The following IFI16 variants were observed in gnomAD, a reference collection of about 807,000 sequenced individuals.
The protein encoded by IFI16 is interferon gamma inducible protein 16, also known as gamma-interferon-inducible protein 16.
A neutral mutation model predicts 68.4 loss-of-function variants in IFI16; 49 were observed. The ratio of observed to expected loss-of-function variants is 0.72; its 90% CI spans 0.57 to 0.91. The LOEUF (loss-of-function observed/expected upper bound fraction) is 0.91, where lower values mean the gene tolerates loss of function less well. Among genes scored for constraint, IFI16 ranks in the 40% least tolerant of loss-of-function variants. IFI16 has a pLI of 0.00. For synonymous variants in IFI16, 307 were observed against 315.0 expected (o/e 0.97, Z 0.27); for missense variants, 878 against 942.9 (o/e 0.93, Z 0.90).
chr1:159,004,729 G>A (rs1018342568), upstream of IFI16, among the ~76,000 whole-genome samples: 10 of 152,104 alleles, frequency 6.6e-5, no homozygotes, highest in African/African-American at 2.4e-4. Context: ...GTTTAGGGTG[G>A]AGAGTTCATT....
At position 159,018,297 on chromosome 1, in the gene IFI16, A is replaced by G. The variant is rs937386240; in HGVS notation, c.618A>G (p.Ile206Met). 3 of 1,614,040 alleles carry G rather than the reference A, an allele frequency of 1.9e-6. No individual in the cohort carries two copies. The highest frequency in any genetic ancestry group is 2.5e-6 in the Non-Finnish European group (3 of 1,179,960). ...ATGTTCTCCAAAAACGCCCAGTGATAGTGAAGGTACTGAGTACAACAAAGC... is the reference window on the plus strand; with the variant it reads ...ATGTTCTCCAAAAACGCCCAGTGATGGTGAAGGTACTGAGTACAACAAAGC... ...RRNVLQKRPV[I>M]VKVLSTTKPF... is the part of the protein sequence containing the mutation. The change falls in exon 5 of 12, where the codon ATA becomes ATG. Residue 206 changes from isoleucine to methionine, a missense_variant. Ile to Met is a conservative substitution (Grantham distance 10). Transcript: ENST00000295809.
At chr1:159,019,607 T>C (rs936858770) in intron 5 of IFI16, among the ~76,000 whole-genome samples, 1 of 152,188 alleles carries the variant, frequency 6.6e-6, no homozygotes, top group African/African-American at 2.4e-5. Context: ...TACAGGCGTG[T>C]GCCATCACGC....
At chr1:159,025,882 T>C (rs1653637771) in intron 6 of IFI16, among the ~76,000 whole-genome samples, 1 of 152,246 alleles carries the variant, frequency 6.6e-6, no homozygotes, top group Non-Finnish European at 1.5e-5. Context: ...TTCATTCTTC[T>C]ACTTGTAGCT....
chr1:159,022,953 G>A (rs1653428179), intron 6 of IFI16, among the ~76,000 whole-genome samples: 1 of 152,096 alleles, frequency 6.6e-6, no homozygotes, highest in Non-Finnish European at 1.5e-5. Flanking sequence ...CCTTTTAAGA[G>A]AAGTAATTTT....
chr1:159,009,188 T>C (rs537360803), upstream of IFI16: 1 of 152,312 alleles, frequency 6.6e-6, no homozygotes, highest in African/African-American at 2.4e-5. Flanking sequence ...CCAGGAATAA[T>C]GCAGAAAATC....
chr1:159,000,243 T>C, exon 1 of IFI16: 2 of 259,826 alleles, frequency 7.7e-6, no homozygotes, highest in Non-Finnish European at 1.6e-5. Flanking sequence ...CACTTAAACC[T>C]ATCCAGTTCC....
At chr1:159,053,430 T>A (rs1477450353) in intron 10 of IFI16, 103 bp from the exon 11 acceptor site, 7 of 747,866 alleles carry the variant, frequency 9.4e-6, no homozygotes, top group Non-Finnish European at 1.1e-5. Context: ...CAGCTCTGTT[T>A]ACTCTATCAA....
At chr1:159,018,190 T>C (rs745971583) in intron 4 of IFI16, 39 bp from the exon 5 acceptor site, 3 of 1,555,422 alleles carry the variant, frequency 1.9e-6, no homozygotes, top group Non-Finnish European at 2.6e-6. Context: ...ATTTCTCAAT[T>C]AGACATTTTT....
intron 1 of IFI16, among the ~76,000 whole-genome samples, chr1:159,000,906 T>C (rs2101767993): frequency 6.6e-6 from 1 of 152,200 alleles, no homozygotes; most frequent in Middle Eastern, 3.4e-3. Flanking sequence ...TTAAAGTGTG[T>C]AGCACATTGA....
At chr1:159,027,134 C>T (rs918371850) in intron 6 of IFI16, among the ~76,000 whole-genome samples, 5 of 152,104 alleles carry the variant, frequency 3.3e-5, no homozygotes, top group Non-Finnish European at 5.9e-5. Context: ...TCAATTTTTC[C>T]CTGACCAGTA....
At chr1:159,050,390 C>T (rs1557882969) in intron 9 of IFI16, among the ~76,000 whole-genome samples, 1 of 152,098 alleles carries the variant, frequency 6.6e-6, no homozygotes, top group Non-Finnish European at 1.5e-5. Context: ...TCCTTAGGTT[C>T]TGTGCACCTT....
In IFI16 at chr1:159,041,985, C is replaced by G. The variant is rs1475571129; in HGVS notation, c.1330-3312C>G. Among the ~76,000 whole-genome samples, 6 of 152,156 alleles carry G rather than the reference C, an allele frequency of 3.9e-5. No individual in the cohort carries two copies. The East Asian group carries it at 1.2e-3, about 29-fold the overall frequency. On this transcript the variant is annotated intron_variant, in intron 7 of 11. Coordinates refer to ENST00000295809, the MANE Select transcript of IFI16 (RefSeq NM_001376587.1). ...CATGTGATGTTTTCTTAGCTCCAAC[C>G]CTTCTAAATAAGCAATGTGTCCATT...
intron 7 of IFI16, among the ~76,000 whole-genome samples, chr1:159,038,454 A>G (rs1186540658): frequency 6.6e-6 from 1 of 152,108 alleles, no homozygotes; most frequent in Non-Finnish European, 1.5e-5. Flanking sequence ...AACCTCAGAC[A>G]CCTGAGCTCA....
intron 11 of IFI16, among the ~76,000 whole-genome samples, chr1:159,053,943 AAGTT>A (rs1281149922): frequency 6.6e-6 from 1 of 152,214 alleles, no homozygotes; most frequent in East Asian, 1.9e-4. Context: ...CATGATACCT[AAGTT>A]AAATAAGAAA....
At chr1:159,030,046 T>G (rs1325478315) in intron 6 of IFI16, among the ~76,000 whole-genome samples, 1 of 152,138 alleles carries the variant, frequency 6.6e-6, no homozygotes, top group Non-Finnish European at 1.5e-5. Context: ...ACAAGCCTTG[T>G]CTTCAAGCTC....
Position 159,016,615 on chromosome 1 carries a change from C to T in IFI16, c.464C>T (p.Ala155Val), listed in dbSNP as rs1652945893. Residue 155 changes from alanine to valine, a missense_variant, in exon 4 of 12, where the codon GCA (alanine) becomes GTA (valine). Ala to Val is a moderately conservative substitution (Grantham distance 64). Transcript: ENST00000295809. Reference protein sequence around the residue: ...SEEQTQPPSPAGAGMSTAMGR... With the variant: ...SEEQTQPPSPVGAGMSTAMGR... ...GAACAGACTCAGCCTCCCTCTCCTGCAGGAGCCGGCATGTCCACAGCCATG... is the reference window on the plus strand; with the variant it reads ...GAACAGACTCAGCCTCCCTCTCCTGTAGGAGCCGGCATGTCCACAGCCATG... 13 of 1,614,162 alleles carry T rather than the reference C, an allele frequency of 8.1e-6. No individual in the cohort carries two copies. Among genetic ancestry groups the T allele is most frequent in the Non-Finnish European group, 1.1e-5 (13 of 1,179,984 alleles).
intron 7 of IFI16, among the ~76,000 whole-genome samples, chr1:159,041,367 A>G (rs982960315): frequency 6.6e-6 from 1 of 152,216 alleles, no homozygotes; most frequent in Admixed American, 6.5e-5. Flanking sequence ...TTTGCCTCAT[A>G]TAGACAGCAA....
chr1:159,052,005 A>G lies in IFI16; in HGVS notation c.1992A>G (p.Gly664=), dbSNP rs1655394393. 1.9e-6 allele frequency: 3 copies of G among 1,614,082 alleles called. No individual in the cohort carries two copies. In the East Asian group the frequency reaches 6.7e-5, roughly 36 times the overall value. The change falls in exon 10 of 12, where the codon GGA becomes GGG. Residue 664 remains glycine, a synonymous_variant. Transcript: ENST00000295809. Reference sequence around the variant, plus strand: ...ACCGAAACATGGAGATCCCAAAAGGATTGATTAGAAGTGCCAGCGTAACTC... The same window carrying G: ...ACCGAAACATGGAGATCCCAAAAGGGTTGATTAGAAGTGCCAGCGTAACTC... ...NADRNMEIPK[G]LIRSASVTPK...
chr1:159,014,671 G>C lies in IFI16; in HGVS notation c.-10G>C. 2 of 1,584,436 alleles carry C rather than the reference G, an allele frequency of 1.3e-6. No homozygotes were observed. The highest frequency in any genetic ancestry group is 1.7e-6 in the Non-Finnish European group (2 of 1,163,824). ...CATTTTCTCTTGTAGGCTCACTTATGTCTGTAAAGATGGGAAAAAAATACA... is the reference window on the plus strand; with the variant it reads ...CATTTTCTCTTGTAGGCTCACTTATCTCTGTAAAGATGGGAAAAAAATACA... On this transcript the variant is annotated 5_prime_UTR_variant, in exon 2 of 12. It removes an upstream start codon present in the reference 5' UTR. Transcript: ENST00000295809.
Sources: allele counts gnomAD v4.1 joint callset (sites outside exome capture counted in the v4.1 genomes callset), GRCh38; gene constraint gnomAD v4.1.1; transcripts MANE v1.5; gene names NCBI Gene and HGNC (gene_info 2026-07-23, HGNC 2026-07-21).